HOOK3: variants seen among roughly 807,000 people sequenced by gnomAD.
HOOK3 encodes the protein hook microtubule tethering protein 3.
HOOK3 carries 24 observed loss-of-function variants against 116.3 expected under a neutral mutation model. The ratio of observed to expected loss-of-function variants is 0.21; its 90% CI spans 0.15 to 0.29. The LOEUF (loss-of-function observed/expected upper bound fraction) is 0.29. Among genes scored for constraint, HOOK3 ranks in the 10% least tolerant of loss-of-function variants. HOOK3 has a pLI of 1.00. For synonymous variants in HOOK3, 275 were observed against 283.0 expected, an observed-to-expected ratio of 0.97 and a Z score of 0.28; for missense variants, 632 against 830.2, an observed-to-expected ratio of 0.76 and a Z score of 2.93.
chr8:42,902,420 A>G (rs1586582557), intron 1 of HOOK3, among the ~76,000 whole-genome samples: 1 of 151,888 alleles, frequency 6.6e-6, no homozygotes, highest in South Asian at 2.1e-4. Flanking sequence ...TACAGGCGTG[A>G]CCCACCATAC....
chr8:43,007,016 A>ATTTTTTTTTTTTTTTTTTTTTTTT (rs58609523), intron 17 of HOOK3, among the ~76,000 whole-genome samples: 1 of 103,244 alleles, frequency 9.7e-6, no homozygotes, highest in Non-Finnish European at 1.9e-5. Context: ...AAGTTCCTAG[A>ATTTTTTTTTTTTTTTTTTTTTTTT]TTTTTTTTTT....
intron 15 of HOOK3, among the ~76,000 whole-genome samples, chr8:42,993,366 C>T (rs1054550650): frequency 3.3e-5 from 5 of 152,150 alleles, no homozygotes; most frequent in African/African-American, 9.7e-5. Flanking sequence ...AGGCTGGTCT[C>T]GAACTCTTGA....
At chr8:42,942,990 G>A (rs530536512) in intron 4 of HOOK3, among the ~76,000 whole-genome samples, 21 of 152,284 alleles carry the variant, frequency 1.4e-4, no homozygotes, top group Non-Finnish European at 2.6e-4. Flanking sequence ...TCTTTCTGGT[G>A]CCCCCTAGTT....
chr8:43,004,763 G>A (rs1048943564), intron 17 of HOOK3, among the ~76,000 whole-genome samples: 5 of 151,052 alleles, frequency 3.3e-5, no homozygotes, highest in African/African-American at 1.2e-4. Flanking sequence ...AACATACTGA[G>A]TATTGCCGAA....
At chr8:42,940,037 G>C (rs569353159) in intron 4 of HOOK3, among the ~76,000 whole-genome samples, 1 of 150,818 alleles carries the variant, frequency 6.6e-6, no homozygotes, top group Admixed American at 6.6e-5. Context: ...CATCCCAGAC[G>C]GTGGGCGGCC....
At chr8:42,986,413 CAT>C (rs1809049887) in intron 14 of HOOK3, among the ~76,000 whole-genome samples, 2 of 152,084 alleles carry the variant, frequency 1.3e-5, no homozygotes, top group South Asian at 4.1e-4. Context: ...ATTTTGAAAT[CAT>C]ATTTATGACA....
At chr8:42,953,501 T>C (rs1455248682) in intron 6 of HOOK3, among the ~76,000 whole-genome samples, 1 of 151,088 alleles carries the variant, frequency 6.6e-6, no homozygotes, top group Non-Finnish European at 1.5e-5. Flanking sequence ...GAGCCGGAGG[T>C]TGTAGTGAGC....
intron 18 of HOOK3, among the ~76,000 whole-genome samples, chr8:43,008,747 C>T (rs1024367779): frequency 2.0e-5 from 3 of 147,948 alleles, no homozygotes; most frequent in Admixed American, 2.0e-4. Context: ...GCAAGCTCCA[C>T]CTCCCGGGTT....
intron 4 of HOOK3, among the ~76,000 whole-genome samples, chr8:42,941,198 T>C (rs184283819): frequency 0.012 from 1,841 of 150,118 alleles, 19 homozygotes; most frequent in African/African-American, 0.029. Flanking sequence ...CCGCCCGCCT[T>C]GGCCTCCCGA....
At position 43,029,635 on chromosome 8, in the gene HOOK3, C is replaced by A. The variant is rs1448521850; in HGVS notation, c.*11137C>A. The stretch of plus-strand genomic sequence containing the variant: ...TGACAATTGCCCACCATTTACAATA[C>A]TCAATTTTTGATTATGAAATGAATA... On this transcript the variant is annotated 3_prime_UTR_variant, in exon 22 of 22. Coordinates refer to ENST00000307602, the MANE Select transcript of HOOK3 (RefSeq NM_032410.4). 1 of 191,174 alleles carries A rather than the reference C, an allele frequency of 5.2e-6. No individual in the cohort carries two copies. The highest frequency in any genetic ancestry group is 2.3e-5 in the African/African-American group (1 of 42,946). 11.8% of individuals were successfully genotyped at this position (191,174 alleles called of 1,614,324 possible). A position where few individuals can be genotyped will look rare whatever the true frequency, so the allele number is the denominator to read the frequency against.
rs115723358 is a variant in HOOK3, at chr8:43,002,685, T to C, written c.1655+544T>C. ...AAATAAAAGTTAAGAGACAAGGTCT[T>C]TTAAAAAAGAGACCCTGTCTTTAAG... On this transcript the variant is annotated intron_variant, in intron 17 of 21. Transcript: ENST00000307602. 2.6e-3 allele frequency among the ~76,000 whole-genome samples: 397 copies of C among 152,272 alleles called. 1 individual carries two copies. The highest frequency in any genetic ancestry group is 7.9e-3 in the African/African-American group (328 of 41,554).
chr8:42,957,115 G>C lies in HOOK3; in HGVS notation c.490G>C (p.Val164Leu), dbSNP rs763730724. The change falls in exon 7 of 22, where the codon GTC (valine) becomes CTC (leucine). Residue 164 changes from valine to leucine, a missense_variant. Around this residue, in one of 3 missense-constraint regions of HOOK3, gnomAD observed 483 missense variants for 648.1 expected, o/e 0.75. Coordinates refer to ENST00000307602, the MANE Select transcript of HOOK3 (RefSeq NM_032410.4). ...TCAGCTGATGAGTAAAGAATCTCCTGTCTCTGCTGGAAATGATGCCTATGT... is the reference window on the plus strand; with the variant it reads ...TCAGCTGATGAGTAAAGAATCTCCTCTCTCTGCTGGAAATGATGCCTATGT... ...IQELMSKESP[V>L]SAGNDAYVDL... 2.5e-6 allele frequency: 4 copies of C among 1,594,732 alleles called. No individual in the cohort carries two copies. Among genetic ancestry groups the C allele is most frequent in the Non-Finnish European group, 2.6e-6 (3 of 1,167,980 alleles).
At chr8:42,975,200 C>T (rs879545099) in intron 13 of HOOK3, among the ~76,000 whole-genome samples, 1 of 152,174 alleles carries the variant, frequency 6.6e-6, no homozygotes, top group Non-Finnish European at 1.5e-5. Context: ...AAGCCCTCAG[C>T]GCCGCCGGGC....
At chr8:42,960,718 A>G (rs16891654) in intron 8 of HOOK3, among the ~76,000 whole-genome samples, 3,631 of 152,260 alleles carry the variant, frequency 0.024, 147 homozygotes, top group African/African-American at 0.082. Flanking sequence ...TTTATTTGTC[A>G]TAAAGTGTCA....
At chr8:42,941,386 T>A (rs1808119769) in intron 4 of HOOK3, among the ~76,000 whole-genome samples, 2 of 150,672 alleles carry the variant, frequency 1.3e-5, no homozygotes. Flanking sequence ...GGTGTGGTGG[T>A]GGGCGCTTGT....
At chr8:42,943,056 T>G (rs1808157856) in intron 4 of HOOK3, among the ~76,000 whole-genome samples, 1 of 152,164 alleles carries the variant, frequency 6.6e-6, no homozygotes, top group Admixed American at 6.6e-5. Context: ...CTTCTGGGAG[T>G]ACTCAGGGTT....
In HOOK3 at chr8:42,906,269, A is replaced by G. The variant is rs372977105; in HGVS notation, c.143+11A>G. On this transcript the variant is annotated intron_variant, in intron 2 of 21. Transcript: ENST00000307602. ...GGTTCTTCAAAAGATGTAAGAATAAATTGCTTATCTTTATGTGTATTCTTA... is the reference window on the plus strand; with the variant it reads ...GGTTCTTCAAAAGATGTAAGAATAAGTTGCTTATCTTTATGTGTATTCTTA... 2.9e-5 allele frequency: 46 copies of G among 1,567,654 alleles called. No homozygotes were observed. Among genetic ancestry groups the G allele is most frequent in the Non-Finnish European group, 3.7e-5 (42 of 1,139,760 alleles).
intron 3 of HOOK3, among the ~76,000 whole-genome samples, chr8:42,927,805 A>C (rs529804538): frequency 1.3e-3 from 194 of 152,132 alleles, no homozygotes; most frequent in African/African-American, 4.5e-3. Flanking sequence ...AGGTCATGCT[A>C]TATGCTCAGT....
intron 4 of HOOK3, among the ~76,000 whole-genome samples, chr8:42,943,070 T>C (rs1187631510): frequency 6.6e-6 from 1 of 152,132 alleles, no homozygotes; most frequent in Non-Finnish European, 1.5e-5. Flanking sequence ...CAGGGTTTTT[T>C]TGTTTGTTTT....
Sources: allele counts gnomAD v4.1 joint callset (sites outside exome capture counted in the v4.1 genomes callset), GRCh38; gene constraint gnomAD v4.1.1; regional missense constraint gnomAD v4.1.1; transcripts MANE v1.5; gene names NCBI Gene and HGNC (gene_info 2026-07-23, HGNC 2026-07-21).